The following NUP107 variants were observed in gnomAD, a reference collection of about 807,000 sequenced individuals.
NUP107 encodes the protein nuclear pore complex protein Nup107.
NUP107 carries 101 observed loss-of-function variants against 141.0 expected under a neutral mutation model. The ratio of observed to expected loss-of-function variants is 0.72; its 90% confidence interval spans 0.61 to 0.84. NUP107 has a LOEUF of 0.84. Among genes scored for constraint, NUP107 ranks in the 40% least tolerant of loss-of-function variants. The pLI, the probability that NUP107 is intolerant of heterozygous loss-of-function variation, is 0.00. For synonymous variants in NUP107, 319 were observed against 363.9 expected, an observed-to-expected ratio of 0.88 and a Z score of 1.41; for missense variants, 941 against 1,102.7, an observed-to-expected ratio of 0.85 and a Z score of 2.08.
chr12:68,701,579 G>A (rs1413959527), intron 7 of NUP107, among the ~76,000 whole-genome samples: 2 of 152,010 alleles, frequency 1.3e-5, no homozygotes, highest in Non-Finnish European at 2.9e-5. Context: ...CTACTTGGGA[G>A]GCTGAGGCAG....
chr12:68,729,929 C>A (rs145339257), intron 20 of NUP107, among the ~76,000 whole-genome samples: 91 of 150,802 alleles, frequency 6.0e-4, no homozygotes, highest in African/African-American at 1.9e-3. Context: ...CACAAATCTC[C>A]AAAAAATGTT....
At position 68,728,086 on chromosome 12, in the gene NUP107, C is replaced by G. The variant is rs374869247; in HGVS notation, c.1734+697C>G. Among the ~76,000 whole-genome samples, 39 of 152,146 alleles carry G rather than the reference C, an allele frequency of 2.6e-4. No homozygotes were observed. In the South Asian group the frequency reaches 7.3e-3, roughly 28 times the overall value. On this transcript the variant is annotated intron_variant, in intron 20 of 27. Coordinates refer to ENST00000229179, the MANE Select transcript of NUP107 (RefSeq NM_020401.4). ...CTGCTTGAGTCCAGACGTTTGAGAT[C>G]AGCCTGGGCAACATAGGGAGACCCT...
At chr12:68,691,097 G>A (rs757690730) in intron 4 of NUP107, among the ~76,000 whole-genome samples, 90 of 152,218 alleles carry the variant, frequency 5.9e-4, no homozygotes, top group Non-Finnish European at 9.9e-4. Flanking sequence ...GATATTTGAT[G>A]TAAAAGTCTT....
chr12:68,722,338 G>A (rs1025391996), intron 17 of NUP107, among the ~76,000 whole-genome samples, 186 bp downstream of exon 17: 4 of 151,520 alleles, frequency 2.6e-5, no homozygotes, highest in African/African-American at 9.7e-5. Context: ...TTTTTGTTTC[G>A]GATTAATTTC....
Position 68,706,078 on chromosome 12 carries a change from C to G in NUP107, c.730-3160C>G, listed in dbSNP as rs577646898. On this transcript the variant is annotated intron_variant, in intron 8 of 27. Transcript: ENST00000229179. ...CGAGAGCTACATCAACAAACTTCTG[C>G]TGGCAGCTGTACACTCTGGGCCAAG... 1.3e-4 allele frequency: 102 copies of G among 781,272 alleles called. 1 individual carries two copies. In the African/African-American group the frequency reaches 1.5e-3, roughly 11 times the overall value. The allele number at this position is 781,272 out of a possible 1,614,324, so 48.4% of individuals were successfully genotyped here.
At chr12:68,717,957 T>C (rs1395004147) in intron 12 of NUP107, among the ~76,000 whole-genome samples, 1 of 152,180 alleles carries the variant, frequency 6.6e-6, no homozygotes, top group Non-Finnish European at 1.5e-5. Flanking sequence ...TGGGTTCAAG[T>C]GATAGAAACC....
chr12:68,711,732 A>G (rs1001450319), intron 10 of NUP107, among the ~76,000 whole-genome samples: 1 of 152,198 alleles, frequency 6.6e-6, no homozygotes. Context: ...TGTTTGCACA[A>G]AGAAGCCAGT....
chr12:68,687,257 G>C, intron 1 of NUP107, 184 bp downstream of exon 1: 1 of 858,360 alleles, frequency 1.2e-6, no homozygotes, highest in Non-Finnish European at 1.8e-6. Context: ...CGTGCGTCGG[G>C]GTGGGGTACA....
intron 25 of NUP107, 97 bp from the exon 26 acceptor site, chr12:68,735,133 AG>A (rs1317817283): frequency 5.7e-5 from 49 of 852,868 alleles, no homozygotes; most frequent in Non-Finnish European, 9.3e-5. Flanking sequence ...TCAACTCTTT[AG>A]AATGATGTTC....
Position 68,696,815 on chromosome 12 carries a change from C to A in NUP107, c.449-4C>A. 1.2e-5 allele frequency: 17 copies of A among 1,411,122 alleles called. No individual in the cohort carries two copies. Among genetic ancestry groups the A allele is most frequent in the African/African-American group, 1.5e-5 (1 of 68,612 alleles). The allele number at this position is 1,411,122 out of a possible 1,614,324, so 87.4% of individuals were successfully genotyped here. A position where few individuals can be genotyped will look rare whatever the true frequency, so the allele number is the denominator to read the frequency against. ...TTCCTTTTTTTTTTTTTGATGTGTTCTAGCATCCATGAGTATGTTTTCTGA... is the reference window on the plus strand; with the variant it reads ...TTCCTTTTTTTTTTTTTGATGTGTTATAGCATCCATGAGTATGTTTTCTGA... On this transcript the variant is annotated splice_region_variant and splice_polypyrimidine_tract_variant and intron_variant, in intron 5 of 27. Coordinates refer to ENST00000229179, the MANE Select transcript of NUP107 (RefSeq NM_020401.4).
At chr12:68,702,819 C>A in intron 8 of NUP107, 35 bp downstream of exon 8, 12 of 1,153,814 alleles carry the variant, frequency 1.0e-5, no homozygotes, top group Non-Finnish European at 1.5e-5. Context: ...TTTATAAATA[C>A]ATACAAATTA....
At chr12:68,723,143 A>C (rs2136034581) in intron 17 of NUP107, among the ~76,000 whole-genome samples, 1 of 152,078 alleles carries the variant, frequency 6.6e-6, no homozygotes, top group East Asian at 1.9e-4. Context: ...GGAGGCCAAG[A>C]TGGGAGGATC....
Position 68,731,107 on chromosome 12 carries a change from T to C in NUP107, c.1735-3T>C. 1.9e-6 allele frequency: 3 copies of C among 1,554,522 alleles called. No individual in the cohort carries two copies. In the South Asian group the frequency reaches 3.6e-5, roughly 19 times the overall value. On this transcript the variant is annotated splice_polypyrimidine_tract_variant and splice_region_variant and intron_variant, in intron 20 of 27. Coordinates refer to ENST00000229179, the MANE Select transcript of NUP107 (RefSeq NM_020401.4). ...CATACTTTGATCTTTTTCTATTTTT[T>C]AGCTTTTAATAAGAGAGAAACATAC...
chr12:68,697,177 C>G (rs1461689148), intron 6 of NUP107, among the ~76,000 whole-genome samples: 1 of 152,054 alleles, frequency 6.6e-6, no homozygotes, highest in African/African-American at 2.4e-5. Context: ...CCTGTAATCC[C>G]AATGCTTTGG....
At position 68,721,805 on chromosome 12, in the gene NUP107, A is replaced by G. The variant is rs755352273; in HGVS notation, c.1312-36A>G. On this transcript the variant is annotated intron_variant, in intron 15 of 27. Coordinates refer to ENST00000229179, the MANE Select transcript of NUP107 (RefSeq NM_020401.4). ...GCTTTTCCTTTCTTTTCTGTTGAAT[A>G]TGTCTATATGTTTCTGTTTTGTAAT... The G allele has an allele frequency of 3.8e-6, 6 of 1,590,908 alleles. No homozygotes were observed. The South Asian group carries it at 5.7e-5, about 15-fold the overall frequency.
At chr12:68,741,309 T>C (rs1434929474) in intron 26 of NUP107, among the ~76,000 whole-genome samples, 1 of 152,112 alleles carries the variant, frequency 6.6e-6, no homozygotes, top group Non-Finnish European at 1.5e-5. Flanking sequence ...ATCTATAGGT[T>C]CTGTTTTTCT....
chr12:68,691,625 G>T (rs1198013645), intron 4 of NUP107, among the ~76,000 whole-genome samples: 1 of 152,162 alleles, frequency 6.6e-6, no homozygotes, highest in Admixed American at 6.5e-5. Context: ...CATGAGGCCA[G>T]GAATTTGAGA....
intron 26 of NUP107, among the ~76,000 whole-genome samples, chr12:68,736,877 T>A (rs1227624445): frequency 1.3e-5 from 2 of 151,968 alleles, no homozygotes; most frequent in East Asian, 3.9e-4. Flanking sequence ...AATTTTTGTA[T>A]TTTTAGTAGA....
At chr12:68,713,551 T>C (rs1876968151) in intron 10 of NUP107, among the ~76,000 whole-genome samples, 179 bp from the exon 11 acceptor site, 1 of 152,102 alleles carries the variant, frequency 6.6e-6, no homozygotes, top group South Asian at 2.1e-4. Flanking sequence ...AATAAGGACA[T>C]GAAAAAGCCC....
Sources: gnomAD v4.1 joint callset for allele counts (sites outside exome capture counted in the v4.1 genomes callset) on GRCh38, gnomAD v4.1.1 for gene constraint, MANE v1.5 for transcripts, NCBI Gene and HGNC (gene_info 2026-07-23, HGNC 2026-07-21) for gene names.